The following CCSER1 variants were observed in gnomAD, a reference collection of about 807,000 sequenced individuals.
CCSER1 encodes the protein coiled-coil serine rich protein 1.
CCSER1 carries 41 observed loss-of-function variants against 82.0 expected under a neutral mutation model. That is an observed-to-expected ratio of 0.50 (90% CI 0.39 to 0.65). CCSER1 has a LOEUF of 0.65. CCSER1 is among the 30% of genes least tolerant of loss of function. CCSER1 has a pLI of 0.00. For synonymous variants in CCSER1, 414 were observed against 383.9 expected, an observed-to-expected ratio of 1.08 and a Z score of -0.92; for missense variants, 1,119 against 1,064.2, an observed-to-expected ratio of 1.05 and a Z score of -0.72.
intron 9 of CCSER1, among the ~76,000 whole-genome samples, chr4:91,077,673 G>A (rs1163289920): frequency 6.6e-6 from 1 of 152,182 alleles, no homozygotes; most frequent in Admixed American, 6.5e-5. Context: ...AGCACAAGAG[G>A]TCAGGGAATT....
chr4:91,410,314 C>G (rs933745388), intron 10 of CCSER1, among the ~76,000 whole-genome samples: 14 of 151,314 alleles, frequency 9.3e-5, no homozygotes, highest in African/African-American at 3.4e-4. Flanking sequence ...GTCTTTCCAT[C>G]ATTTTTTTTT....
chr4:91,580,018 G>T (rs1763653716), intron 10 of CCSER1, among the ~76,000 whole-genome samples: 1 of 151,732 alleles, frequency 6.6e-6, no homozygotes, highest in Admixed American at 6.6e-5. Flanking sequence ...GGCCAAATTT[G>T]CTGGATGTAT....
intron 10 of CCSER1, among the ~76,000 whole-genome samples, chr4:91,429,050 A>G (rs1754146701): frequency 6.6e-6 from 1 of 152,050 alleles, no homozygotes. Flanking sequence ...GAATAAATAC[A>G]GCATTGATTT....
chr4:91,061,629 G>A (rs1412654230), intron 9 of CCSER1, among the ~76,000 whole-genome samples: 2 of 151,998 alleles, frequency 1.3e-5, no homozygotes, highest in African/African-American at 4.8e-5. Flanking sequence ...CCCAAATTTA[G>A]TCTCATCCTC....
chr4:90,442,830 A>C (rs1456949765), intron 4 of CCSER1, among the ~76,000 whole-genome samples: 6 of 152,198 alleles, frequency 3.9e-5, no homozygotes, highest in Non-Finnish European at 1.5e-5. Context: ...GGAGGGAATT[A>C]CTGGGAGAGG....
chr4:91,003,986 C>T (rs1403842185), intron 9 of CCSER1, among the ~76,000 whole-genome samples: 1 of 152,204 alleles, frequency 6.6e-6, no homozygotes, highest in Non-Finnish European at 1.5e-5. Context: ...ATGATCTAGA[C>T]CTTCAGGTTC....
intron 10 of CCSER1, among the ~76,000 whole-genome samples, chr4:91,546,972 CTTT>C (rs70937013): frequency 3.7e-5 from 5 of 133,448 alleles, no homozygotes; most frequent in African/African-American, 5.6e-5. Context: ...CTTGAGTTTT[CTTT>C]TTTTTTTTTT....
intron 10 of CCSER1, among the ~76,000 whole-genome samples, chr4:91,227,507 CAG>C (rs574570347): frequency 5.4e-4 from 81 of 149,970 alleles, no homozygotes; most frequent in Admixed American, 1.7e-3. Context: ...AGCAAAGAAA[CAG>C]TGTTTATTTT....
At chr4:91,246,640 T>G (rs10005915) in intron 10 of CCSER1, among the ~76,000 whole-genome samples, 14,854 of 152,170 alleles carry the variant, frequency 0.098, 889 homozygotes, top group South Asian at 0.18. Context: ...GCAACCTAAG[T>G]GTCCATCAAC....
At chr4:90,663,533 C>A (rs569612336) in intron 6 of CCSER1, among the ~76,000 whole-genome samples, 1 of 152,106 alleles carries the variant, frequency 6.6e-6, no homozygotes, top group Non-Finnish European at 1.5e-5. Flanking sequence ...GCTTTGTCAC[C>A]CAGCTAGAAT....
chr4:90,199,689 T>C (rs1578447299), intron 1 of CCSER1, among the ~76,000 whole-genome samples: 1 of 152,184 alleles, frequency 6.6e-6, no homozygotes, highest in South Asian at 2.1e-4. Flanking sequence ...ATAATCCTTC[T>C]TCAGAACCAT....
At chr4:91,553,470 T>G (rs1762257064) in intron 10 of CCSER1, among the ~76,000 whole-genome samples, 1 of 151,490 alleles carries the variant, frequency 6.6e-6, no homozygotes, top group Non-Finnish European at 1.5e-5. Flanking sequence ...AGATATTAAT[T>G]GTGTTTTAAA....
Position 90,675,720 on chromosome 4 carries a change from T to G in CCSER1, c.1932+47488T>G, listed in dbSNP as rs995054990. ...TTTTTTTTTATGTGTTTTTTTTTTT[T>G]TTTTTTTTTTTTTTTTTTTATTATA... On this transcript the variant is annotated intron_variant, in intron 6 of 10. Coordinates refer to ENST00000509176, the MANE Select transcript of CCSER1 (RefSeq NM_001145065.2). 1.7e-3 allele frequency among the ~76,000 whole-genome samples: 2 copies of G among 1,180 alleles called. 1 individual carries two copies. Among genetic ancestry groups the G allele is most frequent in the Non-Finnish European group, 5.1e-3 (2 of 392 alleles). The allele number at this position is 1,180 out of a possible 152,430, so 0.8% of individuals were successfully genotyped here.
At chr4:90,716,201 A>G (rs1319405725) in intron 6 of CCSER1, among the ~76,000 whole-genome samples, 1 of 151,928 alleles carries the variant, frequency 6.6e-6, no homozygotes, top group Non-Finnish European at 1.5e-5. Flanking sequence ...GCTGGTCACT[A>G]GTGGTAAAAG....
chr4:90,422,000 A>G (rs920333651), intron 4 of CCSER1, among the ~76,000 whole-genome samples: 2 of 152,134 alleles, frequency 1.3e-5, no homozygotes, highest in African/African-American at 2.4e-5. Flanking sequence ...GAAGGATAGA[A>G]CATTTTTAAC....
intron 9 of CCSER1, among the ~76,000 whole-genome samples, chr4:91,070,220 G>A (rs1721288395): frequency 6.6e-6 from 1 of 152,098 alleles, no homozygotes; most frequent in South Asian, 2.1e-4. Context: ...TCTTAACCTT[G>A]TGATCTGCCT....
At chr4:90,258,755 T>C (rs1330288139) in intron 1 of CCSER1, among the ~76,000 whole-genome samples, 6 of 152,148 alleles carry the variant, frequency 3.9e-5, no homozygotes, top group African/African-American at 1.4e-4. Flanking sequence ...TTTGGCTACA[T>C]GGATGAGTTC....
intron 2 of CCSER1, among the ~76,000 whole-genome samples, chr4:90,310,601 T>G (rs981197956): frequency 5.9e-5 from 9 of 152,112 alleles, no homozygotes; most frequent in African/African-American, 2.2e-4. Context: ...ATTCATTTAT[T>G]GGGATATAAA....
chr4:90,818,956 T>C (rs1759390022), intron 8 of CCSER1, among the ~76,000 whole-genome samples: 1 of 152,238 alleles, frequency 6.6e-6, no homozygotes, highest in Non-Finnish European at 1.5e-5. Context: ...ACACTGTATT[T>C]ATCTACTAAG....
Sources: gnomAD v4.1 joint callset for allele counts (sites outside exome capture counted in the v4.1 genomes callset) on GRCh38, gnomAD v4.1.1 for gene constraint, MANE v1.5 for transcripts, NCBI Gene and HGNC (gene_info 2026-07-23, HGNC 2026-07-21) for gene names.